The following USP34 variants were observed in gnomAD, a reference collection of about 807,000 sequenced individuals.
USP34 encodes ubiquitin carboxyl-terminal hydrolase 34.
Under a neutral mutation model 460.3 loss-of-function variants are expected in USP34, and 70 were observed. The ratio of observed to expected loss-of-function variants is 0.15; its 90% CI spans 0.13 to 0.19. The LOEUF is 0.19. Among genes scored for constraint, USP34 ranks in the 10% least tolerant of loss-of-function variants. USP34 has a pLI of 1.00. For missense variants in USP34, 3,985 were observed against 4,236.2 expected, an observed-to-expected ratio of 0.94 and a Z score of 1.65; for synonymous variants, 1,647 against 1,405.3, an observed-to-expected ratio of 1.17 and a Z score of -3.85.
intron 27 of USP34, among the ~76,000 whole-genome samples, chr2:61,305,166 A>G (rs1485965611): frequency 6.6e-6 from 1 of 152,140 alleles, no homozygotes; most frequent in Non-Finnish European, 1.5e-5. Context: ...TCTACTAAAA[A>G]TACAACAATT....
At chr2:61,417,662 C>T (rs1694233482) in intron 2 of USP34, among the ~76,000 whole-genome samples, 1 of 149,892 alleles carries the variant, frequency 6.7e-6, no homozygotes, top group Admixed American at 6.6e-5. Context: ...GTTTTTTTTT[C>T]CCTACAATGA....
chr2:61,379,864 T>C (rs982386032), intron 7 of USP34, among the ~76,000 whole-genome samples: 2 of 152,264 alleles, frequency 1.3e-5, no homozygotes, highest in African/African-American at 4.8e-5. Context: ...CCTCCAATTA[T>C]TCCTCTTTCT....
chr2:61,209,003 T>G (rs1687195838), intron 69 of USP34, 26 bp from the exon 70 acceptor site: 1 of 1,474,210 alleles, frequency 6.8e-7, no homozygotes, highest in Non-Finnish European at 9.2e-7. Context: ...AAGTTCAGTT[T>G]GAGAAGTCTG....
intron 3 of USP34, among the ~76,000 whole-genome samples, chr2:61,398,624 G>A (rs1693616678): frequency 6.6e-6 from 1 of 151,546 alleles, no homozygotes; most frequent in Non-Finnish European, 1.5e-5. Context: ...GAGAAAGAGG[G>A]AGGAGAGAGA....
At chr2:61,443,764 T>C (rs576617035) in intron 1 of USP34, among the ~76,000 whole-genome samples, 1 of 152,284 alleles carries the variant, frequency 6.6e-6, no homozygotes, top group Admixed American at 6.5e-5. Flanking sequence ...TATTACACAT[T>C]TGTCAAACCC....
At chr2:61,352,972 A>C (rs1008027931) in intron 10 of USP34, among the ~76,000 whole-genome samples, 14 of 152,236 alleles carry the variant, frequency 9.2e-5, no homozygotes, top group Non-Finnish European at 1.5e-4. Context: ...ATCAGATGTA[A>C]GTATCCTGAA....
At chr2:61,298,388 A>C (rs866554253) in intron 29 of USP34, among the ~76,000 whole-genome samples, 307 of 145,868 alleles carry the variant, frequency 2.1e-3, no homozygotes, top group African/African-American at 6.7e-3. Context: ...AAAAAAAAAA[A>C]CTAGCTGGGC....
At chr2:61,391,827 T>C (rs1333070352) in intron 5 of USP34, among the ~76,000 whole-genome samples, 1 of 152,140 alleles carries the variant, frequency 6.6e-6, no homozygotes, top group East Asian at 1.9e-4. Context: ...TAAAAGAAAT[T>C]AGCTTGCAGA....
intron 53 of USP34, among the ~76,000 whole-genome samples, chr2:61,239,440 G>C (rs1397318172): frequency 6.6e-6 from 1 of 151,788 alleles, no homozygotes; most frequent in Admixed American, 6.6e-5. Context: ...TCACAAGTGG[G>C]CTAATTGTCA....
At chr2:61,300,361 G>A (rs1363800422) in intron 29 of USP34, among the ~76,000 whole-genome samples, 2 of 151,608 alleles carry the variant, frequency 1.3e-5, no homozygotes, top group Admixed American at 1.3e-4. Context: ...GCTAATTTTT[G>A]TATTTTTAGT....
intron 37 of USP34, 133 bp downstream of exon 37, chr2:61,283,012 A>G (rs1158537296): frequency 2.1e-5 from 18 of 865,628 alleles, no homozygotes; most frequent in Non-Finnish European, 3.1e-5. Context: ...TCTAGACCTT[A>G]AAGGATTAAG....
rs1692419862 is a variant in USP34, at chr2:61,365,822, C to G, written c.1251+4499G>C. Among the ~76,000 whole-genome samples the G allele has an allele frequency of 2.6e-5, 4 of 152,120 alleles. No individual in the cohort carries two copies. The South Asian group carries it at 8.3e-4, about 32-fold the overall frequency. On this transcript the variant is annotated intron_variant, in intron 10 of 79. Coordinates refer to ENST00000398571, the MANE Select transcript of USP34 (RefSeq NM_014709.4). ...GAGAAAATTGTTGAATTTCATCATCCTCTAGAGAAGAAAATCATTACTGTA... is the reference window on the plus strand; with the variant it reads ...GAGAAAATTGTTGAATTTCATCATCGTCTAGAGAAGAAAATCATTACTGTA...
intron 69 of USP34, among the ~76,000 whole-genome samples, chr2:61,211,255 CTTTA>C (rs1254826557): frequency 2.0e-5 from 3 of 152,152 alleles, no homozygotes; most frequent in Admixed American, 6.5e-5. Context: ...TTAGCCTGAA[CTTTA>C]TTTCTCTAGG....
intron 1 of USP34, among the ~76,000 whole-genome samples, chr2:61,424,875 G>A (rs530695160): frequency 4.0e-4 from 61 of 152,226 alleles, no homozygotes; most frequent in Non-Finnish European, 6.8e-4. Flanking sequence ...TGTCCGCCAG[G>A]GTAGAGTGCA....
rs141163420 is a variant in USP34, at chr2:61,235,786, AGG to A, written c.7032+57_7032+58del. The A allele has an allele frequency of 7.6e-5, 117 of 1,538,844 alleles. No homozygotes were observed. The African/African-American group carries it at 1.4e-3, about 19-fold the overall frequency. ...ACTCTGCTGTAGCATCTTAGATCAGAGGGGGGGAAAAAAAAAAGAATCTTAAA... is the reference window on the plus strand; with the variant it reads ...ACTCTGCTGTAGCATCTTAGATCAGAGGGGGAAAAAAAAAAGAATCTTAAA... On this transcript the variant is annotated intron_variant, in intron 57 of 79. Transcript: ENST00000398571.
chr2:61,396,744 T>G (rs575400075), intron 3 of USP34, among the ~76,000 whole-genome samples: 193 of 152,228 alleles, frequency 1.3e-3, no homozygotes, highest in Non-Finnish European at 1.8e-3. Context: ...CGCCTCGGCC[T>G]CCCAAAGTGC....
chr2:61,329,537 T>G (rs1377634703), intron 20 of USP34, among the ~76,000 whole-genome samples: 2 of 152,124 alleles, frequency 1.3e-5, no homozygotes, highest in African/African-American at 2.4e-5. Context: ...CAGAAATAAT[T>G]TGATAAGCTT....
At position 61,294,981 on chromosome 2, in the gene USP34, C is replaced by T. The variant is rs1215072644; in HGVS notation, c.4429G>A (p.Val1477Met). 1 of 1,612,970 alleles carries T rather than the reference C, an allele frequency of 6.2e-7. No individual in the cohort carries two copies. The highest frequency in any genetic ancestry group is 1.3e-5 in the African/African-American group (1 of 74,994). ...PDSDDSSEDQ[V>M]ENSKNSWSCK... The stretch of plus-strand genomic sequence containing the variant: ...CTCCAGGAATTTTTACTATTTTCCA[C>T]TTGATCTTCACTTGAATCATCTGAA... Residue 1477 changes from valine (V) to methionine (M), a missense_variant, in exon 32 of 80, where the codon GTG (valine) becomes ATG (methionine). By Grantham distance (21) the Val-to-Met change is conservative. Transcript: ENST00000398571.
Position 61,373,851 on chromosome 2 carries a change from T to C in USP34, c.1077-3272A>G, listed in dbSNP as rs374680897. ...TACTGGTTGACTCTATTTTCTCTAT[T>C]TTACAAAAGAGAAAATGGCGTGGCC... On this transcript the variant is annotated intron_variant, in intron 8 of 79. Transcript: ENST00000398571. 2.6e-5 allele frequency among the ~76,000 whole-genome samples: 4 copies of C among 152,264 alleles called. No homozygotes were observed. The South Asian group carries it at 6.2e-4, about 24-fold the overall frequency.
Sources: gnomAD v4.1 joint callset for allele counts (sites outside exome capture counted in the v4.1 genomes callset) on GRCh38, gnomAD v4.1.1 for gene constraint, MANE v1.5 for transcripts, NCBI Gene and HGNC (gene_info 2026-07-23, HGNC 2026-07-21) for gene names.